DPYD: variants seen among roughly 807,000 people sequenced by gnomAD.
The protein encoded by DPYD is dihydropyrimidine dehydrogenase [NADP(+)].
Under a neutral mutation model 116.2 loss-of-function variants are expected in DPYD, and 109 were observed. That is an observed-to-expected ratio of 0.94 (90% confidence interval 0.80 to 1.10). The LOEUF is 1.10. Ranked by LOEUF, DPYD falls within the 50% of genes least tolerant of loss-of-function variation. The pLI, the probability that DPYD is intolerant of heterozygous loss-of-function variation, is 0.00. For synonymous variants in DPYD, 440 were observed against 432.0 expected (o/e 1.02, Z -0.23); for missense variants, 1,302 against 1,254.5 (o/e 1.04, Z -0.57).
At chr1:97,736,431 A>G (rs556583591) in intron 4 of DPYD, among the ~76,000 whole-genome samples, 5 of 152,086 alleles carry the variant, frequency 3.3e-5, no homozygotes, top group Non-Finnish European at 7.4e-5. Flanking sequence ...TCTGAATAAA[A>G]TTTTATTTAT....
chr1:97,089,507 T>C (rs567226156), intron 21 of DPYD, among the ~76,000 whole-genome samples: 4 of 152,308 alleles, frequency 2.6e-5, no homozygotes, highest in African/African-American at 9.6e-5. Flanking sequence ...AAGGTCCTTG[T>C]TCATCTTTTA....
chr1:97,849,305 G>C (rs533503698), intron 2 of DPYD, among the ~76,000 whole-genome samples: 1 of 152,002 alleles, frequency 6.6e-6, no homozygotes, highest in South Asian at 2.1e-4. Flanking sequence ...ATTTCTAGGT[G>C]GTAGGATTTC....
At chr1:97,409,687 A>G (rs1478555598) in intron 14 of DPYD, among the ~76,000 whole-genome samples, 2 of 151,970 alleles carry the variant, frequency 1.3e-5, no homozygotes, top group African/African-American at 4.8e-5. Flanking sequence ...CACTTGAGAG[A>G]CTCTACCTTG....
At chr1:97,589,297 C>A (rs1571015196) in intron 10 of DPYD, among the ~76,000 whole-genome samples, 1 of 152,338 alleles carries the variant, frequency 6.6e-6, no homozygotes, top group East Asian at 1.9e-4. Context: ...TGTGCCCCCA[C>A]TCAATTCTCA....
intron 18 of DPYD, among the ~76,000 whole-genome samples, chr1:97,244,088 G>C (rs758201587): frequency 1.3e-5 from 2 of 151,800 alleles, no homozygotes; most frequent in South Asian, 4.2e-4. Flanking sequence ...AAAATATATG[G>C]CATTTACTAG....
At chr1:97,894,764 C>T (rs997095620) in intron 1 of DPYD, among the ~76,000 whole-genome samples, 3 of 151,240 alleles carry the variant, frequency 2.0e-5, no homozygotes, top group Non-Finnish European at 4.4e-5. Flanking sequence ...AAAGAGATAT[C>T]AAAAATATAT....
intron 14 of DPYD, among the ~76,000 whole-genome samples, chr1:97,445,188 T>C (rs567054565): frequency 6.6e-6 from 1 of 152,298 alleles, no homozygotes; most frequent in Admixed American, 6.5e-5. Context: ...ACAGATTTGA[T>C]TGGACAAGAG....
At chr1:97,216,123 A>G (rs1426650289) in intron 19 of DPYD, among the ~76,000 whole-genome samples, 1 of 152,078 alleles carries the variant, frequency 6.6e-6, no homozygotes, top group Non-Finnish European at 1.5e-5. Flanking sequence ...AATTGTCTCC[A>G]TTTTTAATTT....
chr1:97,153,422 G>A (rs1166499759), intron 20 of DPYD, among the ~76,000 whole-genome samples: 1 of 152,064 alleles, frequency 6.6e-6, no homozygotes, highest in African/African-American at 2.4e-5. Context: ...TCAACAAATG[G>A]TGCTGGGATA....
In DPYD at chr1:97,434,053, A is replaced by G. The variant is rs1285226237; in HGVS notation, c.1905+16006T>C. ...CAATTTAAACTAAATCAGGCACAAAACAGTCACTGATCATTTTAATATTGA... is the reference window on the plus strand; with the variant it reads ...CAATTTAAACTAAATCAGGCACAAAGCAGTCACTGATCATTTTAATATTGA... On this transcript the variant is annotated intron_variant, in intron 14 of 22. Coordinates refer to ENST00000370192, the MANE Select transcript of DPYD (RefSeq NM_000110.4). 5.3e-5 allele frequency among the ~76,000 whole-genome samples: 8 copies of G among 152,134 alleles called. No individual in the cohort carries two copies. The South Asian group carries it at 1.2e-3, about 24-fold the overall frequency.
At chr1:97,761,213 C>G (rs1229238012) in intron 3 of DPYD, among the ~76,000 whole-genome samples, 1 of 151,972 alleles carries the variant, frequency 6.6e-6, no homozygotes. Context: ...ACCGTAGATG[C>G]ACAAATTCAC....
rs971023427 is a variant in DPYD at position 97,550,139 on chromosome 1, T to C, written c.1340-395A>G. Among the ~76,000 whole-genome samples the C allele has an allele frequency of 3.3e-5, 5 of 152,214 alleles. No individual in the cohort carries two copies. In the East Asian group the frequency reaches 5.8e-4, roughly 18 times the overall value. ...ACTTATATTATCCCCAACTTGTTCA[T>C]GTGTGTCACTTTTGAAAGTTACATC... is the stretch of plus-strand genomic sequence containing the variant. On this transcript the variant is annotated intron_variant, in intron 11 of 22. Coordinates refer to ENST00000370192, the MANE Select transcript of DPYD (RefSeq NM_000110.4).
chr1:97,257,216 G>A (rs1178954875), intron 18 of DPYD, among the ~76,000 whole-genome samples: 1 of 151,666 alleles, frequency 6.6e-6, no homozygotes, highest in African/African-American at 2.4e-5. Context: ...TAATAGGTTG[G>A]ATAATATGAA....
chr1:97,880,269 T>C (rs529063624), intron 2 of DPYD, among the ~76,000 whole-genome samples: 1 of 151,548 alleles, frequency 6.6e-6, no homozygotes, highest in South Asian at 2.1e-4. Flanking sequence ...AAGAAGGAGA[T>C]GTCAGTGAGG....
intron 13 of DPYD, among the ~76,000 whole-genome samples, chr1:97,473,125 A>G (rs1415380238): frequency 6.6e-6 from 1 of 152,162 alleles, no homozygotes; most frequent in Non-Finnish European, 1.5e-5. Flanking sequence ...CCAATTTCCA[A>G]CCTGCTTCCC....
At chr1:97,568,393 T>C (rs1652678551) in intron 11 of DPYD, among the ~76,000 whole-genome samples, 1 of 152,148 alleles carries the variant, frequency 6.6e-6, no homozygotes, top group African/African-American at 2.4e-5. Flanking sequence ...ATGATTTACA[T>C]ATATTATTAA....
At chr1:97,079,284 A>G (rs1648993729) in intron 22 of DPYD, 138 bp from the exon 23 acceptor site, 4 of 847,598 alleles carry the variant, frequency 4.7e-6, no homozygotes, top group African/African-American at 1.7e-5. Context: ...GTGCAACTAT[A>G]GCAACAGTTG....
chr1:97,920,646 G>A (rs1215258202), intron 1 of DPYD, among the ~76,000 whole-genome samples: 1 of 152,168 alleles, frequency 6.6e-6, no homozygotes, highest in Non-Finnish European at 1.5e-5. Flanking sequence ...AAGTAAACAG[G>A]TCCCGACGCA....
intron 5 of DPYD, among the ~76,000 whole-genome samples, chr1:97,710,605 C>T (rs1441096691): frequency 2.6e-5 from 4 of 151,532 alleles, no homozygotes; most frequent in Admixed American, 2.6e-4. Flanking sequence ...TTGAGAGAAA[C>T]AACTGGCAGG....
Sources: gnomAD v4.1 joint callset for allele counts (sites outside exome capture counted in the v4.1 genomes callset) on GRCh38, gnomAD v4.1.1 for gene constraint, MANE v1.5 for transcripts, NCBI Gene and HGNC (gene_info 2026-07-23, HGNC 2026-07-21) for gene names.